UBE3A: variants seen among roughly 807,000 people sequenced by gnomAD.
The protein encoded by UBE3A is ubiquitin protein ligase E3A.
A neutral mutation model predicts 83.4 loss-of-function variants in UBE3A; 6 were observed. That is an observed-to-expected ratio of 0.07 (90% confidence interval 0.04 to 0.14). The LOEUF is 0.14. UBE3A is among the 10% of genes least tolerant of loss of function. The pLI is 1.00. For synonymous variants in UBE3A, 337 were observed against 355.4 expected (o/e 0.95, Z 0.58); for missense variants, 456 against 1,036.1 (o/e 0.44, Z 7.69).
intron 1 of UBE3A, among the ~76,000 whole-genome samples, chr15:25,416,469 T>C (rs1202652623): frequency 6.6e-6 from 1 of 152,086 alleles, no homozygotes; most frequent in Non-Finnish European, 1.5e-5. Context: ...TAATCTATGC[T>C]ATGAGAAGTC....
chr15:25,397,979 T>C (rs1004639496), intron 4 of UBE3A, among the ~76,000 whole-genome samples: 1 of 152,090 alleles, frequency 6.6e-6, no homozygotes, highest in African/African-American at 2.4e-5. Flanking sequence ...TCAGCTATCT[T>C]TGTAAGAGTT....
intron 4 of UBE3A, among the ~76,000 whole-genome samples, chr15:25,396,790 T>C (rs563720654): frequency 6.6e-6 from 1 of 152,320 alleles, no homozygotes; most frequent in Admixed American, 6.5e-5. Context: ...TTAATAATTT[T>C]TTTTTTTACT....
At position 25,405,500 on chromosome 15, in the gene UBE3A, G is replaced by A; in HGVS notation, c.23C>T (p.Ser8Leu). Residue 8 changes from serine (S) to leucine (L), a missense_variant and splice_region_variant, in exon 4 of 13, where the codon TCA becomes TTA. Ser to Leu is a moderately radical substitution (Grantham distance 145). Around this residue, in one of 13 missense-constraint regions of UBE3A, gnomAD observed 23 missense variants for 18.6 expected, o/e 1.24. Transcript: ENST00000648336. ...AATGTCGTCAGACTGAGGTTCTCCT[G>A]ATCTGTAAAATGCAATTGAGAAACA... Reference protein sequence around the residue: MATACKRSGEPQSDDIEA... With the variant: MATACKRLGEPQSDDIEA... 6.2e-7 allele frequency: 1 copy of A among 1,613,568 alleles called. No homozygotes were observed. Among genetic ancestry groups the A allele is most frequent in the Non-Finnish European group, 8.5e-7 (1 of 1,179,806 alleles).
At chr15:25,413,054 A>T (rs1274425205) in intron 1 of UBE3A, 2 of 451,600 alleles carry the variant, frequency 4.4e-6, no homozygotes, top group Non-Finnish European at 8.9e-6. Flanking sequence ...CTTCCAAATT[A>T]TGAGTTAGGA....
chr15:25,375,848 G>A (rs1046691671), intron 4 of UBE3A, 85 bp from the exon 5 acceptor site: 1 of 1,501,654 alleles, frequency 6.7e-7, no homozygotes. Context: ...GCAAAAGTTA[G>A]TCAAGCACTG....
At chr15:25,431,777 T>C (rs1412668582) in intron 1 of UBE3A, among the ~76,000 whole-genome samples, 1 of 152,192 alleles carries the variant, frequency 6.6e-6, no homozygotes, top group Non-Finnish European at 1.5e-5. Context: ...ATACCATAGA[T>C]GCACAAAAGA....
At chr15:25,365,232 C>G (rs2078890941) in intron 6 of UBE3A, among the ~76,000 whole-genome samples, 1 of 151,844 alleles carries the variant, frequency 6.6e-6, no homozygotes. Context: ...TTGCAGAATA[C>G]CTAGCAGGAT....
At chr15:25,351,159 A>G (rs2076434171) in intron 11 of UBE3A, among the ~76,000 whole-genome samples, 1 of 152,212 alleles carries the variant, frequency 6.6e-6, no homozygotes. Context: ...ATGGGAAAGA[A>G]TTAAGCATTA....
chr15:25,379,619 T>C (rs2081835105), intron 4 of UBE3A, among the ~76,000 whole-genome samples: 1 of 152,174 alleles, frequency 6.6e-6, no homozygotes. Context: ...TAATTTAGGA[T>C]ATGTAAAAGG....
At chr15:25,367,395 C>T (rs1218561878) in intron 6 of UBE3A, among the ~76,000 whole-genome samples, 1 of 151,274 alleles carries the variant, frequency 6.6e-6, no homozygotes, top group African/African-American at 2.4e-5. Flanking sequence ...GAATGTCATT[C>T]AAATGAAAGG....
rs1487076729 is a variant in UBE3A, at chr15:25,360,642, T to C, written c.1609-115A>G. On this transcript the variant is annotated intron_variant, in intron 6 of 12. Coordinates refer to ENST00000648336, the MANE Select transcript of UBE3A (RefSeq NM_130839.5). ...AAATACAAATTTTTGACTTTTTGTA[T>C]GTAAATGGAAACAGAAAGCAAACTG... 19 of 1,220,930 alleles carry C rather than the reference T, an allele frequency of 1.6e-5. No individual in the cohort carries two copies. The African/African-American group carries it at 1.7e-4, about 11-fold the overall frequency. The allele number at this position is 1,220,930 out of a possible 1,614,324, so 75.6% of individuals were successfully genotyped here.
chr15:25,371,802 G>A lies in UBE3A; in HGVS notation c.372C>T (p.Tyr124=). Residue 124 remains tyrosine (Y), a synonymous_variant, in exon 6 of 13, where the codon TAC becomes TAT. Coordinates refer to ENST00000648336, the MANE Select transcript of UBE3A (RefSeq NM_130839.5). This position sits in a 1 kb window ranked among gnomAD's most constrained non-coding sequence, Gnocchi z 5.3. ...GARIDFKDVT[Y]LTEEKVYEIL... ...TTTCATATACCTTCTCTTCTGTTAA[G>A]TAAGTCACATCTAGAAAATCAGAGG... The A allele has an allele frequency of 6.2e-7, 1 of 1,608,884 alleles. No individual in the cohort carries two copies. The highest frequency in any genetic ancestry group is 8.5e-7 in the Non-Finnish European group (1 of 1,179,290).
intron 1 of UBE3A, among the ~76,000 whole-genome samples, chr15:25,425,667 G>A (rs1164863922): frequency 2.0e-5 from 3 of 151,902 alleles, no homozygotes; most frequent in South Asian, 2.1e-4. Context: ...GCTATGAAGC[G>A]AAGAGAAACC....
At chr15:25,353,736 A>T (rs139212904) in intron 11 of UBE3A, among the ~76,000 whole-genome samples, 1 of 152,288 alleles carries the variant, frequency 6.6e-6, no homozygotes, top group African/African-American at 2.4e-5. Flanking sequence ...CACTTGAACC[A>T]GTCTTAGCAG....
intron 11 of UBE3A, among the ~76,000 whole-genome samples, chr15:25,350,448 C>CA (rs986467092): frequency 5.3e-5 from 8 of 150,940 alleles, no homozygotes; most frequent in South Asian, 4.2e-4. Context: ...TAACTGAAAC[C>CA]AAAAAAAAGC....
intron 4 of UBE3A, among the ~76,000 whole-genome samples, chr15:25,376,335 T>G (rs28754450): frequency 0.028 from 4,273 of 152,238 alleles, 210 homozygotes; most frequent in African/African-American, 0.096. Context: ...CCAAAGATAG[T>G]GTTACACTGA....
intron 4 of UBE3A, among the ~76,000 whole-genome samples, chr15:25,403,980 G>A (rs2087817680): frequency 6.6e-6 from 1 of 152,168 alleles, no homozygotes; most frequent in South Asian, 2.1e-4. Context: ...AATGGGTACA[G>A]AGTTTCAGTT....
At chr15:25,355,814 C>A in intron 9 of UBE3A, 78 bp downstream of exon 9, 1 of 1,355,472 alleles carries the variant, frequency 7.4e-7, no homozygotes. Context: ...ATATTAGATA[C>A]TTCTTTAAAA....
At chr15:25,379,664 C>T (rs778975272) in intron 4 of UBE3A, among the ~76,000 whole-genome samples, 69 of 152,254 alleles carry the variant, frequency 4.5e-4, no homozygotes, top group Middle Eastern at 3.4e-3. Context: ...AGGGCCTCTA[C>T]GTTGGAAAAG....
Sources: allele counts gnomAD v4.1 joint callset (sites outside exome capture counted in the v4.1 genomes callset), GRCh38; gene constraint gnomAD v4.1.1; regional missense constraint gnomAD v4.1.1; non-coding constraint Gnocchi (gnomAD v3.1); transcripts MANE v1.5; gene names NCBI Gene and HGNC (gene_info 2026-07-23, HGNC 2026-07-21).